Variants in ZNF821 observed in about 807,000 individuals in gnomAD.
The protein encoded by ZNF821 is zinc finger protein 821.
Under a neutral mutation model 44.3 loss-of-function variants are expected in ZNF821, and 16 were observed. The observed-to-expected ratio is 0.36, with a 90% CI of 0.24 to 0.55. The LOEUF (loss-of-function observed/expected upper bound fraction) is 0.55, where lower values mean the gene tolerates loss of function less well. ZNF821 is among the 20% of genes least tolerant of loss of function. The pLI is 0.86. For synonymous variants in ZNF821, 204 were observed against 197.6 expected (o/e 1.03, Z -0.27); for missense variants, 436 against 547.6 (o/e 0.80, Z 2.03).
intron 1 of ZNF821, among the ~76,000 whole-genome samples, chr16:71,892,069 T>C (rs2142503060): frequency 7.0e-6 from 1 of 142,030 alleles, no homozygotes; most frequent in East Asian, 2.2e-4. Flanking sequence ...TACTTGGTAC[T>C]TGTAAGGCTG....
At chr16:71,882,488 C>G (rs761063724) in intron 2 of ZNF821, among the ~76,000 whole-genome samples, 1 of 152,042 alleles carries the variant, frequency 6.6e-6, no homozygotes, top group African/African-American at 2.4e-5. Context: ...TTGAACCAGA[C>G]AACATTTCAA....
chr16:71,888,574 A>G (rs985268926), upstream of ZNF821, among the ~76,000 whole-genome samples: 4 of 152,142 alleles, frequency 2.6e-5, no homozygotes, highest in South Asian at 4.1e-4. Context: ...TTGAGAATCA[A>G]TTGGTTATAA....
exon 1 of ZNF821, chr16:71,894,926 T>C: frequency 9.0e-7 from 1 of 1,110,676 alleles, no homozygotes; most frequent in Non-Finnish European, 1.3e-6. Flanking sequence ...ACTGTGGTGC[T>C]GAGGAAACAC....
intron 3 of ZNF821, among the ~76,000 whole-genome samples, chr16:71,872,607 C>T (rs915078347): frequency 1.3e-5 from 2 of 151,496 alleles, no homozygotes; most frequent in Admixed American, 1.3e-4. Context: ...AGCGAGACTC[C>T]GTCTCAAAAA....
At chr16:71,864,270 T>G (rs933961727) in intron 5 of ZNF821, 28 bp from the exon 6 acceptor site, 1 of 1,594,270 alleles carries the variant, frequency 6.3e-7, no homozygotes, top group Admixed American at 1.7e-5. Context: ...GGCAACTCAT[T>G]AGGACTCTTT....
rs114266307 is a variant in ZNF821, at chr16:71,860,683, A to G, written c.585-11T>C. Reference sequence around the variant, plus strand: ...TCAGGAAGTTTCTCACTGGAAAGGAAACATTTTGGATGGTTAGTGTTTCCT... The same window carrying G: ...TCAGGAAGTTTCTCACTGGAAAGGAGACATTTTGGATGGTTAGTGTTTCCT... On this transcript the variant is annotated splice_polypyrimidine_tract_variant and intron_variant, in intron 7 of 7. Transcript: ENST00000425432. This position sits in a 1 kb window ranked among gnomAD's most constrained non-coding sequence, Gnocchi z 7.3. 2.3e-4 allele frequency: 363 copies of G among 1,608,216 alleles called. No homozygotes were observed. In the African/African-American group the frequency reaches 3.9e-3, roughly 17 times the overall value.
intron 4 of ZNF821, among the ~76,000 whole-genome samples, chr16:71,865,253 A>G (rs928753128): frequency 2.0e-5 from 3 of 152,214 alleles, no homozygotes; most frequent in Non-Finnish European, 2.9e-5. Flanking sequence ...TAAAGGGAAG[A>G]TGTGAAGCAA....
intron 6 of ZNF821, 139 bp from the exon 7 acceptor site, chr16:71,862,081 G>C (rs2033963275): frequency 1.0e-6 from 1 of 1,000,940 alleles, no homozygotes; most frequent in Non-Finnish European, 1.4e-6. Context: ...TTAGCCCCTA[G>C]AAAAGTCAGT....
At chr16:71,892,112 A>G (rs1334519468) in intron 1 of ZNF821, among the ~76,000 whole-genome samples, 1 of 116,470 alleles carries the variant, frequency 8.6e-6, no homozygotes, top group Non-Finnish European at 1.7e-5. Context: ...CGGGAGGTGG[A>G]GGTTGCAGTG....
At chr16:71,861,743 T>C (rs1229219371) in intron 7 of ZNF821, 33 bp downstream of exon 7, 1 of 1,610,202 alleles carries the variant, frequency 6.2e-7, no homozygotes, top group East Asian at 2.2e-5. Flanking sequence ...AGTAATTTGC[T>C]CCCAGCACAA....
At chr16:71,888,789 A>C (rs995517800), upstream of ZNF821, among the ~76,000 whole-genome samples, 2 of 152,240 alleles carry the variant, frequency 1.3e-5, no homozygotes, top group Non-Finnish European at 2.9e-5. Context: ...AGATGATTAC[A>C]ATGATGATAA....
intron 1 of ZNF821, among the ~76,000 whole-genome samples, chr16:71,892,571 ATTTTTT>A (rs986384229): frequency 0.099 from 12,125 of 122,464 alleles, 680 homozygotes; most frequent in Middle Eastern, 0.23. Context: ...CCCGGCCAAA[ATTTTTT>A]TTTTTTTTTT....
In ZNF821 at chr16:71,860,029, AGCT is replaced by A. The variant is rs1388936974; in HGVS notation, c.1225_1227del (p.Ser410del). On this transcript the variant is annotated inframe_deletion, in exon 8 of 8. Coordinates refer to ENST00000425432, the MANE Select transcript of ZNF821 (RefSeq NM_001201552.2). This position sits in a 1 kb window ranked among gnomAD's most constrained non-coding sequence, Gnocchi z 7.3. ...CAGGAGGGTGTGGTTCAGTGCAGAG[AGCT>A]GCTGTTCTGCTCTTCAAAGGCCATC... 40 of 1,604,530 alleles carry A rather than the reference AGCT, an allele frequency of 2.5e-5. No homozygotes were observed. The Admixed American group carries it at 6.6e-4, about 26-fold the overall frequency.
intron 3 of ZNF821, among the ~76,000 whole-genome samples, chr16:71,875,663 C>T (rs563879269): frequency 1.9e-4 from 29 of 152,082 alleles, no homozygotes; most frequent in Admixed American, 1.7e-3. Context: ...GGGGTTACAC[C>T]GTGTTAGCCA....
At chr16:71,865,677 G>A (rs1348536246) in intron 4 of ZNF821, among the ~76,000 whole-genome samples, 1 of 152,186 alleles carries the variant, frequency 6.6e-6, no homozygotes, top group Non-Finnish European at 1.5e-5. Flanking sequence ...CTTTGCAGTG[G>A]TATCCGACTC....
At chr16:71,891,277 T>C (rs988784450) in intron 1 of ZNF821, 1 of 152,218 alleles carries the variant, frequency 6.6e-6, no homozygotes, top group African/African-American at 2.4e-5. Context: ...ACCAAAGAAA[T>C]GTAATGTGTT....
upstream of ZNF821, chr16:71,884,875 T>A (rs2036786196): frequency 1.7e-5 from 2 of 117,380 alleles, no homozygotes; most frequent in African/African-American, 8.3e-5. Flanking sequence ...TTTTTTTTTT[T>A]GAGACAGAGT....
chr16:71,888,792 G>C (rs1200952559), upstream of ZNF821, among the ~76,000 whole-genome samples: 3 of 152,152 alleles, frequency 2.0e-5, no homozygotes, highest in Admixed American at 2.0e-4. Context: ...TGATTACAAT[G>C]ATGATAAATG....
At chr16:71,863,403 T>C (rs1044352239) in intron 6 of ZNF821, among the ~76,000 whole-genome samples, 11 of 135,914 alleles carry the variant, frequency 8.1e-5, no homozygotes, top group African/African-American at 1.8e-4. Context: ...CAGAATCTCT[T>C]TTTTTTTTTT....
Sources: gnomAD v4.1 joint callset for allele counts (sites outside exome capture counted in the v4.1 genomes callset) on GRCh38, gnomAD v4.1.1 for gene constraint, Gnocchi (gnomAD v3.1) non-coding constraint, MANE v1.5 for transcripts, NCBI Gene and HGNC (gene_info 2026-07-23, HGNC 2026-07-21) for gene names.